PHF6: variants seen among roughly 807,000 people sequenced by gnomAD.
PHF6 encodes the protein PHD finger protein 6.
In PHF6, 7 loss-of-function variants were observed where a neutral mutation model predicts 34.0. That is an observed-to-expected ratio of 0.21 (90% confidence interval 0.12 to 0.39). PHF6 has a LOEUF of 0.39. Ranked by LOEUF, PHF6 falls within the 10% of genes least tolerant of loss-of-function variation. The pLI, the probability that PHF6 is intolerant of heterozygous loss-of-function variation, is 1.00. For synonymous variants in PHF6, 89 were observed against 88.4 expected, an observed-to-expected ratio of 1.01 and a Z score of -0.04; for missense variants, 128 against 262.8, an observed-to-expected ratio of 0.49 and a Z score of 3.55.
At chrX:134,392,045 G>A (rs2077356986) in intron 3 of PHF6, among the ~76,000 whole-genome samples, 1 of 111,951 alleles carries the variant, frequency 8.9e-6, no homozygotes, top group Non-Finnish European at 1.9e-5. Context: ...CTGGGAAACA[G>A]CTGTAGTGAG....
chrX:134,380,385 C>T (rs777759468), intron 3 of PHF6, among the ~76,000 whole-genome samples: 4 of 110,707 alleles, frequency 3.6e-5, no homozygotes, highest in South Asian at 3.8e-4. Flanking sequence ...CTACCTGCCT[C>T]GGCCTCCCAA....
chrX:134,401,703 A>G (rs2077403210), intron 5 of PHF6, among the ~76,000 whole-genome samples: 1 of 111,921 alleles, frequency 8.9e-6, no homozygotes, highest in Non-Finnish European at 1.9e-5. Flanking sequence ...AATTACAGTG[A>G]CCACAAAATC....
At chrX:134,413,686 C>T (rs762700967) in intron 6 of PHF6, 29 bp downstream of exon 6, 4 of 1,201,387 alleles carry the variant, frequency 3.3e-6, no homozygotes, top group Admixed American at 2.2e-5. Context: ...TGGATTCTTA[C>T]TTTTGTTGCA....
At chrX:134,394,602 G>A (rs763466006) in intron 5 of PHF6, among the ~76,000 whole-genome samples, 4 of 106,491 alleles carry the variant, frequency 3.8e-5, no homozygotes, top group South Asian at 4.3e-4. Context: ...GTGCAGTGGC[G>A]TGATCTTGGC....
chrX:134,382,843 G>A (rs2124205682), intron 3 of PHF6, among the ~76,000 whole-genome samples: 1 of 110,509 alleles, frequency 9.0e-6, no homozygotes, highest in African/African-American at 3.3e-5. Flanking sequence ...TATTCTAATT[G>A]GTACCGGTGT....
At chrX:134,398,740 T>C (rs1398827294) in intron 5 of PHF6, among the ~76,000 whole-genome samples, 1 of 111,852 alleles carries the variant, frequency 8.9e-6, no homozygotes, top group Non-Finnish European at 1.9e-5. Context: ...AGGGTGCCAC[T>C]TGCTTAGATA....
chrX:134,401,998 GTTTGTTTT>G (rs2077404412), intron 5 of PHF6, among the ~76,000 whole-genome samples: 1 of 111,270 alleles, frequency 9.0e-6, no homozygotes, highest in Non-Finnish European at 1.9e-5. Context: ...TTGTTTGTTT[GTTTGTTTT>G]TTTGGTTGAG....
intron 3 of PHF6, among the ~76,000 whole-genome samples, chrX:134,382,386 T>C (rs1019344129): frequency 9.0e-6 from 1 of 111,043 alleles, no homozygotes; most frequent in African/African-American, 3.3e-5. Flanking sequence ...TATTCTTACT[T>C]AACTCCAGTC....
intron 5 of PHF6, among the ~76,000 whole-genome samples, chrX:134,396,586 T>C (rs2077378339): frequency 9.0e-6 from 1 of 111,551 alleles, no homozygotes; most frequent in South Asian, 3.8e-4. Flanking sequence ...TGTACGTCTA[T>C]AGAACAATGG....
At chrX:134,420,786 A>T (rs2077489079) in intron 9 of PHF6, among the ~76,000 whole-genome samples, 1 of 110,472 alleles carries the variant, frequency 9.1e-6, no homozygotes, top group African/African-American at 3.3e-5. Flanking sequence ...TAGAGACAAG[A>T]TTTCACCTTG....
At chrX:134,402,843 G>T (rs1161785249) in intron 5 of PHF6, among the ~76,000 whole-genome samples, 1 of 111,413 alleles carries the variant, frequency 9.0e-6, no homozygotes, top group East Asian at 2.8e-4. Flanking sequence ...TTTTTTATCC[G>T]TTATGGTGAT....
rs1039551657 is a variant in PHF6, at chrX:134,414,997, C to T, written c.730-19C>T. On this transcript the variant is annotated intron_variant, in intron 7 of 10. Transcript: ENST00000370803. ...ATAAGGATTCTGAATGTTAATTTTC[C>T]TGCATTTTTCTTCTCTAGTTGTTTT... The T allele has an allele frequency of 8.5e-7, 1 of 1,180,799 alleles. No individual in the cohort carries two copies. The highest frequency in any genetic ancestry group is 1.2e-6 in the Non-Finnish European group (1 of 869,210).
intron 1 of PHF6, among the ~76,000 whole-genome samples, chrX:134,374,244 T>TA (rs780890167): frequency 5.4e-5 from 6 of 111,982 alleles, no homozygotes; most frequent in Non-Finnish European, 1.1e-4. Flanking sequence ...GCGTGGAAGT[T>TA]AAAAAATCTT....
intron 3 of PHF6, among the ~76,000 whole-genome samples, chrX:134,391,898 A>G (rs1391006304): frequency 8.9e-6 from 1 of 111,739 alleles, no homozygotes; most frequent in Non-Finnish European, 1.9e-5. Context: ...AGAATTTATA[A>G]GCCATCCAAA....
At chrX:134,413,419 G>A in intron 5 of PHF6, 72 bp from the exon 6 acceptor site, 1 of 1,058,452 alleles carries the variant, frequency 9.4e-7, no homozygotes, top group Non-Finnish European at 1.3e-6. Context: ...AGAAACATAT[G>A]TCCTAAAGAC....
intron 5 of PHF6, among the ~76,000 whole-genome samples, chrX:134,398,370 A>G: frequency 8.9e-6 from 1 of 112,123 alleles, no homozygotes; most frequent in Non-Finnish European, 1.9e-5. Flanking sequence ...AGCCTAGGCA[A>G]CAGAGTGAGA....
rs1467371585 is a variant in PHF6 at position 134,377,583 on chromosome X, A to T, written c.-35A>T. On this transcript the variant is annotated 5_prime_UTR_variant, in exon 2 of 11. Coordinates refer to ENST00000370803, the MANE Select transcript of PHF6 (RefSeq NM_001015877.2). ...CTTATTCTCTGTAGCATTTCTTGAG[A>T]CTTAAAGTGGCATTCTAAAGGCAAT... 1 of 1,195,050 alleles carries T rather than the reference A, an allele frequency of 8.4e-7. No individual in the cohort carries two copies. The highest frequency in any genetic ancestry group is 2.3e-4 in the Middle Eastern group (1 of 4,275).
intron 1 of PHF6, among the ~76,000 whole-genome samples, chrX:134,375,247 T>G (rs1487648352): frequency 8.9e-6 from 1 of 112,152 alleles, no homozygotes; most frequent in Non-Finnish European, 1.9e-5. Flanking sequence ...GCACTTTTTT[T>G]GTGGCTCTTC....
chrX:134,425,491 T>G, intron 10 of PHF6, 161 bp downstream of exon 10: 1 of 595,583 alleles, frequency 1.7e-6, no homozygotes, highest in Non-Finnish European at 2.6e-6. Flanking sequence ...TGCATAGTAG[T>G]TGTTTTTTAA....
Sources: gnomAD v4.1 joint callset for allele counts (sites outside exome capture counted in the v4.1 genomes callset) on GRCh38, gnomAD v4.1.1 for gene constraint, MANE v1.5 for transcripts, NCBI Gene and HGNC (gene_info 2026-07-23, HGNC 2026-07-21) for gene names.